The following AGBL4 variants were observed in gnomAD, a reference collection of about 807,000 sequenced individuals.
AGBL4 encodes AGBL carboxypeptidase 4.
Under a neutral mutation model 66.4 loss-of-function variants are expected in AGBL4, and 58 were observed. The observed-to-expected ratio is 0.87, with a 90% confidence interval of 0.71 to 1.09. AGBL4 has a LOEUF of 1.09. Among genes scored for constraint, AGBL4 ranks in the 50% least tolerant of loss-of-function variants. The pLI, the probability that AGBL4 is intolerant of heterozygous loss-of-function variation, is 0.00. For synonymous variants in AGBL4, 234 were observed against 222.9 expected (o/e 1.05, Z -0.44); for missense variants, 579 against 631.0 (o/e 0.92, Z 0.88).
intron 3 of AGBL4, among the ~76,000 whole-genome samples, chr1:49,688,585 A>G (rs1646829011): frequency 6.6e-6 from 1 of 152,162 alleles, no homozygotes; most frequent in Non-Finnish European, 1.5e-5. Flanking sequence ...TTTCTTGGGT[A>G]TATACCTAGC....
chr1:49,238,336 T>A (rs945344506), intron 4 of AGBL4, among the ~76,000 whole-genome samples: 1 of 152,222 alleles, frequency 6.6e-6, no homozygotes. Context: ...TAGCATCCCA[T>A]AGGTCCCTGA....
At chr1:48,553,317 C>G (rs967735930) in intron 11 of AGBL4, among the ~76,000 whole-genome samples, 4 of 152,148 alleles carry the variant, frequency 2.6e-5, no homozygotes, top group African/African-American at 9.7e-5. Context: ...TCCTGCTTGT[C>G]TCACATATAT....
rs963862343 is a variant in AGBL4 at position 49,533,744 on chromosome 1, G to A, written c.282+163569C>T. On this transcript the variant is annotated intron_variant, in intron 3 of 13. Transcript: ENST00000371839. ...CTCTAGGATCCTATATGATTCTTGA[G>A]CCCATATTTGCCCGCTTCAACATCC... 2.8e-4 allele frequency among the ~76,000 whole-genome samples: 43 copies of A among 152,066 alleles called. 1 individual carries two copies. Among genetic ancestry groups the A allele is most frequent in the African/African-American group, 9.9e-4 (41 of 41,504 alleles).
At chr1:48,913,085 T>C (rs1423062735) in intron 5 of AGBL4, among the ~76,000 whole-genome samples, 2 of 151,940 alleles carry the variant, frequency 1.3e-5, no homozygotes, top group African/African-American at 2.4e-5. Context: ...CAGGAAGAAA[T>C]GTAAAGAGGA....
intron 5 of AGBL4, among the ~76,000 whole-genome samples, chr1:48,888,935 A>C (rs1236336936): frequency 6.6e-6 from 1 of 152,200 alleles, no homozygotes; most frequent in Non-Finnish European, 1.5e-5. Context: ...CCTTTCTTTT[A>C]AAGAATTTGG....
At chr1:49,821,728 C>G (rs1412865849) in intron 2 of AGBL4, among the ~76,000 whole-genome samples, 2 of 152,012 alleles carry the variant, frequency 1.3e-5, no homozygotes, top group Non-Finnish European at 2.9e-5. Context: ...ACTGTGATTA[C>G]GAAATTGTTG....
chr1:49,326,595 C>T (rs1050380195), intron 3 of AGBL4, among the ~76,000 whole-genome samples: 3 of 151,940 alleles, frequency 2.0e-5, no homozygotes, highest in South Asian at 2.1e-4. Context: ...GAACCCATAA[C>T]TGACACAAAG....
intron 3 of AGBL4, among the ~76,000 whole-genome samples, chr1:49,632,505 A>G (rs1319514212): frequency 6.6e-6 from 1 of 152,158 alleles, no homozygotes; most frequent in Non-Finnish European, 1.5e-5. Flanking sequence ...CTGTCCTCCT[A>G]TGAGAAGATT....
At chr1:48,862,982 A>G (rs1647633245) in intron 6 of AGBL4, among the ~76,000 whole-genome samples, 1 of 152,226 alleles carries the variant, frequency 6.6e-6, no homozygotes, top group South Asian at 2.1e-4. Flanking sequence ...TGGTAAGGTA[A>G]TATAGGAAAG....
At chr1:49,782,591 A>G (rs985694324) in intron 2 of AGBL4, among the ~76,000 whole-genome samples, 1 of 152,164 alleles carries the variant, frequency 6.6e-6, no homozygotes, top group South Asian at 2.1e-4. Flanking sequence ...TATGGTTTAA[A>G]TGTGTTCCCC....
intron 4 of AGBL4, among the ~76,000 whole-genome samples, chr1:49,196,936 T>G (rs1303507482): frequency 6.6e-6 from 1 of 152,124 alleles, no homozygotes; most frequent in Non-Finnish European, 1.5e-5. Context: ...CAAGCAATCC[T>G]CCTATCTCAG....
intron 4 of AGBL4, among the ~76,000 whole-genome samples, chr1:49,053,470 T>C (rs1054080900): frequency 2.0e-5 from 3 of 152,138 alleles, no homozygotes; most frequent in Non-Finnish European, 4.4e-5. Context: ...CAGTCAATTG[T>C]GCTGTGGCCC....
intron 1 of AGBL4, among the ~76,000 whole-genome samples, chr1:49,870,170 A>G (rs1169556149): frequency 6.6e-6 from 1 of 152,190 alleles, no homozygotes; most frequent in Non-Finnish European, 1.5e-5. Flanking sequence ...ATAGGAAATC[A>G]CACAATTTTA....
At chr1:49,073,914 C>T (rs1364348047) in intron 4 of AGBL4, among the ~76,000 whole-genome samples, 1 of 152,206 alleles carries the variant, frequency 6.6e-6, no homozygotes, top group African/African-American at 2.4e-5. Flanking sequence ...AACTCTCTGA[C>T]TGGGGCTGCT....
chr1:49,137,986 C>T (rs769809778), intron 4 of AGBL4, among the ~76,000 whole-genome samples: 6 of 151,818 alleles, frequency 4.0e-5, no homozygotes, highest in East Asian at 1.9e-4. Flanking sequence ...TTTACATACA[C>T]GAAGATAGGG....
At chr1:48,621,112 A>G (rs767593620) in intron 9 of AGBL4, among the ~76,000 whole-genome samples, 1 of 151,520 alleles carries the variant, frequency 6.6e-6, no homozygotes, top group Non-Finnish European at 1.5e-5. Flanking sequence ...TAGGGAAGGG[A>G]TAGGGAAATT....
intron 1 of AGBL4, chr1:50,016,945 C>G (rs530297246): frequency 2.0e-5 from 3 of 152,192 alleles, no homozygotes; most frequent in African/African-American, 7.2e-5. Context: ...AGTATATACC[C>G]AAAGAAATCT....
intron 2 of AGBL4, among the ~76,000 whole-genome samples, chr1:49,741,894 C>A (rs1218762559): frequency 1.3e-5 from 2 of 151,908 alleles, no homozygotes; most frequent in Non-Finnish European, 1.5e-5. Flanking sequence ...ATTGATGGGA[C>A]GTATCTCAAA....
intron 6 of AGBL4, among the ~76,000 whole-genome samples, chr1:48,836,965 A>G (rs994343065): frequency 1.3e-5 from 2 of 148,406 alleles, no homozygotes; most frequent in Non-Finnish European, 3.0e-5. Context: ...AAAAGATAAT[A>G]TATACAATAT....
Sources: gnomAD v4.1 joint callset for allele counts (sites outside exome capture counted in the v4.1 genomes callset) on GRCh38, gnomAD v4.1.1 for gene constraint, MANE v1.5 for transcripts, NCBI Gene and HGNC (gene_info 2026-07-23, HGNC 2026-07-21) for gene names.